The following LAMB4 variants were observed in gnomAD, a reference collection of about 807,000 sequenced individuals.
The protein encoded by LAMB4 is laminin subunit beta-4.
In LAMB4, 196 loss-of-function variants were observed where a neutral mutation model predicts 199.2. The ratio of observed to expected loss-of-function variants is 0.98; its 90% CI spans 0.88 to 1.11. The LOEUF (loss-of-function observed/expected upper bound fraction) is 1.11. LAMB4 is among the 50% of genes least tolerant of loss of function. LAMB4 has a pLI of 0.00. For missense variants in LAMB4, 2,080 were observed against 2,171.2 expected (o/e 0.96, Z 0.83); for synonymous variants, 744 against 770.6 (o/e 0.97, Z 0.57).
intron 8 of LAMB4, among the ~76,000 whole-genome samples, chr7:108,105,104 C>T (rs2037955509): frequency 1.3e-5 from 2 of 152,128 alleles, no homozygotes; most frequent in African/African-American, 2.4e-5. Context: ...ACAGAGGTAG[C>T]TGAATGGGAA....
chr7:108,099,388 T>A (rs1337030962), intron 10 of LAMB4, among the ~76,000 whole-genome samples: 1 of 152,206 alleles, frequency 6.6e-6, no homozygotes, highest in Non-Finnish European at 1.5e-5. Flanking sequence ...TTGAGTTAAT[T>A]CCAGAGGGTA....
At chr7:108,050,386 C>T (rs2035789462) in intron 26 of LAMB4, among the ~76,000 whole-genome samples, 1 of 152,102 alleles carries the variant, frequency 6.6e-6, no homozygotes, top group Admixed American at 6.5e-5. Context: ...ACTTATTTGC[C>T]TAAGTTCTCA....
chr7:108,051,206 A>G (rs542711426), intron 26 of LAMB4, among the ~76,000 whole-genome samples: 65 of 152,182 alleles, frequency 4.3e-4, no homozygotes, highest in Non-Finnish European at 7.5e-4. Context: ...CATGGCATTT[A>G]TTGAACATCA....
intron 17 of LAMB4, among the ~76,000 whole-genome samples, chr7:108,071,068 C>A (rs368001994): frequency 2.1e-4 from 32 of 152,160 alleles, no homozygotes; most frequent in Admixed American, 5.9e-4. Flanking sequence ...CAAAACTCTT[C>A]TGCATATTAT....
intron 3 of LAMB4, among the ~76,000 whole-genome samples, chr7:108,113,997 C>A (rs2038322913): frequency 6.6e-6 from 1 of 152,168 alleles, no homozygotes; most frequent in Non-Finnish European, 1.5e-5. Flanking sequence ...ACAAAAGAAG[C>A]CTCCACAGTT....
intron 28 of LAMB4, 24 bp downstream of exon 28, chr7:108,047,884 A>C: frequency 6.3e-7 from 1 of 1,588,280 alleles, no homozygotes; most frequent in Non-Finnish European, 8.6e-7. Flanking sequence ...TAACTTTACA[A>C]ATAAAGCAAG....
At chr7:108,104,413 C>A (rs1164862189) in intron 9 of LAMB4, 86 bp downstream of exon 9, 1 of 1,514,676 alleles carries the variant, frequency 6.6e-7, no homozygotes, top group South Asian at 1.3e-5. Flanking sequence ...TTGGTGCCTG[C>A]AGCCCCACAG....
intron 17 of LAMB4, among the ~76,000 whole-genome samples, chr7:108,071,899 A>G (rs138558918): frequency 3.5e-4 from 53 of 151,192 alleles, no homozygotes; most frequent in African/African-American, 1.3e-3. Flanking sequence ...AAAACTTTTC[A>G]GTGGCTTCCC....
rs1003064550 is a variant in LAMB4, at chr7:108,116,552, A to G, written c.35-391T>C. On this transcript the variant is annotated intron_variant, in intron 2 of 33. Transcript: ENST00000388781. ...ACACCCGCATATGAAAGTCCAAGAG[A>G]TGCTTCCATGAAACTAAAACGAACA... is the stretch of plus-strand genomic sequence containing the variant. 5.3e-5 allele frequency among the ~76,000 whole-genome samples: 8 copies of G among 152,186 alleles called. 1 individual carries two copies. The highest frequency in any genetic ancestry group is 2.0e-4 in the Admixed American group (3 of 15,272).
chr7:108,073,487 T>C (rs977089731), intron 17 of LAMB4, among the ~76,000 whole-genome samples: 2 of 152,214 alleles, frequency 1.3e-5, no homozygotes, highest in African/African-American at 4.8e-5. Context: ...CCATGTAATC[T>C]GGGTAACTGA....
At chr7:108,072,867 G>A (rs1325378527) in intron 17 of LAMB4, among the ~76,000 whole-genome samples, 3 of 152,320 alleles carry the variant, frequency 2.0e-5, no homozygotes, top group South Asian at 2.1e-4. Context: ...GGGGAGAGAT[G>A]AAAAAGAAAG....
intron 26 of LAMB4, among the ~76,000 whole-genome samples, chr7:108,050,225 A>G (rs971534843): frequency 4.6e-5 from 7 of 152,208 alleles, no homozygotes; most frequent in Admixed American, 1.3e-4. Context: ...GAGGCTGCTA[A>G]CAATAGCTAA....
At chr7:108,020,253 C>T (rs551754157), downstream of LAMB4, among the ~76,000 whole-genome samples, 6 of 152,100 alleles carry the variant, frequency 3.9e-5, no homozygotes, top group South Asian at 1.0e-3. Context: ...GTGGGCAGAT[C>T]ACAAGGTCAG....
chr7:108,034,429 A>C, intron 30 of LAMB4, 83 bp from the exon 31 acceptor site: 1 of 1,047,402 alleles, frequency 9.5e-7, no homozygotes, highest in Non-Finnish European at 1.5e-6. Flanking sequence ...ATTTGACTCA[A>C]CCAAATACTT....
Position 108,078,250 on chromosome 7 carries a change from T to C in LAMB4, c.1954A>G (p.Lys652Glu), listed in dbSNP as rs2036782430. Residue 652 changes from lysine (K) to glutamate (E), a missense_variant, in exon 16 of 34, where the codon AAG (lysine) becomes GAG (glutamate). Transcript: ENST00000388781. ...PPGGSEHCIP[K>E]TLQSKPQSFA... ...GACTGAGGCTTTGACTGTAGAGTCTTGGGTATGCAGTGCTCACTCCCTCCA... is the reference window on the plus strand; with the variant it reads ...GACTGAGGCTTTGACTGTAGAGTCTCGGGTATGCAGTGCTCACTCCCTCCA... 5.0e-6 allele frequency: 8 copies of C among 1,612,042 alleles called. No individual in the cohort carries two copies. Among genetic ancestry groups the C allele is most frequent in the Non-Finnish European group, 6.8e-6 (8 of 1,179,262 alleles).
chr7:108,037,624 T>G, intron 29 of LAMB4, 29 bp from the exon 30 acceptor site: 1 of 1,523,176 alleles, frequency 6.6e-7, no homozygotes, highest in Non-Finnish European at 9.1e-7. Context: ...TTTTAGGTAA[T>G]CATGTCTCCT....
At chr7:108,118,139 A>G (rs12666092) in intron 2 of LAMB4, among the ~76,000 whole-genome samples, 5,059 of 152,246 alleles carry the variant, frequency 0.033, 212 homozygotes, top group East Asian at 0.19. Context: ...CTTTTAAAAA[A>G]CTATATATGA....
At chr7:108,058,607 A>G (rs528620897) in intron 23 of LAMB4, among the ~76,000 whole-genome samples, 1 of 152,336 alleles carries the variant, frequency 6.6e-6, no homozygotes, top group East Asian at 1.9e-4. Flanking sequence ...TTTCCTGTGA[A>G]TAAGTGGCTA....
intron 2 of LAMB4, among the ~76,000 whole-genome samples, chr7:108,120,491 A>ATTG: frequency 6.6e-6 from 1 of 152,234 alleles, no homozygotes; most frequent in East Asian, 1.9e-4. Flanking sequence ...ATTCTAAAAC[A>ATTG]AGGGCACATT....
Sources: allele counts gnomAD v4.1 joint callset (sites outside exome capture counted in the v4.1 genomes callset), GRCh38; gene constraint gnomAD v4.1.1; transcripts MANE v1.5; gene names NCBI Gene and HGNC (gene_info 2026-07-23, HGNC 2026-07-21).